Variants in CCDC102B observed in about 807,000 individuals in gnomAD.
CCDC102B encodes the protein coiled-coil domain containing 102B, also known as coiled-coil domain-containing protein 102B.
In CCDC102B, 75 loss-of-function variants were observed where a neutral mutation model predicts 57.4. That is an observed-to-expected ratio of 1.31 (90% CI 1.08 to 1.58). The LOEUF is 1.58. CCDC102B is among the 40% of genes most tolerant of loss of function. CCDC102B has a pLI of 0.00. For synonymous variants in CCDC102B, 206 were observed against 201.9 expected, an observed-to-expected ratio of 1.02 and a Z score of -0.17; for missense variants, 636 against 582.6, an observed-to-expected ratio of 1.09 and a Z score of -0.94.
chr18:68,881,598 A>C (rs2144959842), intron 5 of CCDC102B, among the ~76,000 whole-genome samples: 1 of 152,202 alleles, frequency 6.6e-6, no homozygotes, highest in East Asian at 1.9e-4. Flanking sequence ...GAAGACCTAA[A>C]TAGAACAAAA....
At chr18:69,055,786 A>G (rs866929259), downstream of CCDC102B, among the ~76,000 whole-genome samples, 3 of 152,206 alleles carry the variant, frequency 2.0e-5, no homozygotes, top group South Asian at 6.2e-4. Flanking sequence ...TGCACACAAC[A>G]CAATCTCTAG....
At chr18:68,756,095 A>G (rs646985) in intron 2 of CCDC102B, among the ~76,000 whole-genome samples, 10,336 of 151,698 alleles carry the variant, frequency 0.068, 686 homozygotes, top group African/African-American at 0.17. Flanking sequence ...TTTTAAATCA[A>G]GCAAAGTTTA....
At chr18:68,820,567 T>A (rs910429022) in intron 1 of CCDC102B, among the ~76,000 whole-genome samples, 4 of 152,126 alleles carry the variant, frequency 2.6e-5, no homozygotes, top group African/African-American at 9.7e-5. Flanking sequence ...GTTAACTCTT[T>A]TTTCCTTATC....
intron 5 of CCDC102B, among the ~76,000 whole-genome samples, chr18:68,879,386 C>G (rs1379146658): frequency 1.3e-5 from 2 of 152,138 alleles, no homozygotes; most frequent in Non-Finnish European, 2.9e-5. Flanking sequence ...AGCGGGTTGC[C>G]ACTGCTGGCT....
intron 6 of CCDC102B, among the ~76,000 whole-genome samples, chr18:68,992,504 T>C (rs561719920): frequency 6.6e-6 from 1 of 152,296 alleles, no homozygotes; most frequent in East Asian, 1.9e-4. Flanking sequence ...TGAACAATGA[T>C]CCAAGTGTCA....
At chr18:68,956,468 T>TATATATAA (rs71176919) in intron 6 of CCDC102B, among the ~76,000 whole-genome samples, 4 of 49,614 alleles carry the variant, frequency 8.1e-5, no homozygotes, top group African/African-American at 4.6e-4. Flanking sequence ...ATTTTATATA[T>TATATATAA]ATATTATATA....
intron 2 of CCDC102B, among the ~76,000 whole-genome samples, chr18:68,765,513 AAG>A (rs1405196641): frequency 9.2e-5 from 14 of 152,024 alleles, no homozygotes; most frequent in Admixed American, 9.2e-4. Flanking sequence ...GCAAGAAAGA[AAG>A]AGAAAGAAAT....
At chr18:68,944,011 C>G (rs2049462618) in intron 6 of CCDC102B, among the ~76,000 whole-genome samples, 1 of 152,104 alleles carries the variant, frequency 6.6e-6, no homozygotes, top group Admixed American at 6.6e-5. Flanking sequence ...GACAGGGACT[C>G]AAGGCTTTAT....
At chr18:68,888,336 G>A (rs969593531) in intron 5 of CCDC102B, among the ~76,000 whole-genome samples, 1 of 152,040 alleles carries the variant, frequency 6.6e-6, no homozygotes, top group African/African-American at 2.4e-5. Context: ...CCATAAATTG[G>A]TGTTTTAAAC....
intron 2 of CCDC102B, among the ~76,000 whole-genome samples, chr18:68,737,934 A>G (rs897881358): frequency 6.6e-6 from 1 of 151,982 alleles, no homozygotes; most frequent in Non-Finnish European, 1.5e-5. Context: ...GGAAGTACAA[A>G]TCCCTTGAAT....
intron 5 of CCDC102B, among the ~76,000 whole-genome samples, chr18:68,891,218 C>A (rs1198553737): frequency 6.6e-6 from 1 of 152,144 alleles, no homozygotes; most frequent in Non-Finnish European, 1.5e-5. Flanking sequence ...GGTTTCTGTG[C>A]AATCCTTTTT....
At chr18:68,827,632 A>G (rs1172798463) in intron 1 of CCDC102B, among the ~76,000 whole-genome samples, 1 of 152,110 alleles carries the variant, frequency 6.6e-6, no homozygotes, top group African/African-American at 2.4e-5. Context: ...AATGGCAGAT[A>G]TAAGTTCTAA....
intron 2 of CCDC102B, among the ~76,000 whole-genome samples, chr18:68,774,875 TTAA>T (rs1467545212): frequency 2.0e-5 from 3 of 151,598 alleles, no homozygotes; most frequent in Non-Finnish European, 4.4e-5. Flanking sequence ...TTAATATATA[TTAA>T]TAACATAATC....
chr18:68,995,327 G>A (rs937715038), intron 6 of CCDC102B, among the ~76,000 whole-genome samples: 4 of 152,190 alleles, frequency 2.6e-5, no homozygotes, highest in Non-Finnish European at 5.9e-5. Context: ...GGAGCTGAAT[G>A]TTAATTGCCA....
At chr18:68,796,531 G>C (rs28562486), upstream of CCDC102B, among the ~76,000 whole-genome samples, 3 of 152,082 alleles carry the variant, frequency 2.0e-5, no homozygotes, top group Non-Finnish European at 4.4e-5. Context: ...CATCTAAAAA[G>C]AAAGATGGTA....
chr18:68,734,997 G>A (rs1378520925), intron 2 of CCDC102B, among the ~76,000 whole-genome samples: 1 of 152,158 alleles, frequency 6.6e-6, no homozygotes, highest in Non-Finnish European at 1.5e-5. Flanking sequence ...TTAGGGAGAA[G>A]AATTTCTGAA....
intron 1 of CCDC102B, among the ~76,000 whole-genome samples, chr18:68,812,988 A>G (rs1350191616): frequency 6.6e-6 from 1 of 151,666 alleles, no homozygotes; most frequent in Non-Finnish European, 1.5e-5. Context: ...AGAGAAGGGG[A>G]AGGGAGGTGA....
chr18:69,048,520 C>T (rs1385314991), intron 7 of CCDC102B, among the ~76,000 whole-genome samples: 1 of 151,986 alleles, frequency 6.6e-6, no homozygotes, highest in Non-Finnish European at 1.5e-5. Context: ...TGTGCCATCT[C>T]TATGAATTAG....
At chr18:68,975,405 G>A (rs2050408147) in intron 6 of CCDC102B, among the ~76,000 whole-genome samples, 1 of 151,942 alleles carries the variant, frequency 6.6e-6, no homozygotes, top group African/African-American at 2.4e-5. Flanking sequence ...CATTCTATAT[G>A]TGAACCAAAT....
Sources: allele counts gnomAD v4.1 joint callset (sites outside exome capture counted in the v4.1 genomes callset), GRCh38; gene constraint gnomAD v4.1.1; transcripts MANE v1.5; gene names NCBI Gene and HGNC (gene_info 2026-07-23, HGNC 2026-07-21).